Variants in IFIT3 observed in about 807,000 individuals in gnomAD.
The protein encoded by IFIT3 is interferon-induced protein with tetratricopeptide repeats 3.
A neutral mutation model predicts 2.4 loss-of-function variants in IFIT3; 2 were observed. That is an observed-to-expected ratio of 0.82 (90% CI 0.34 to 2.60). The LOEUF is 2.60. IFIT3 is among the 30% of genes most tolerant of loss of function. IFIT3 has a pLI of 0.11. For synonymous variants in IFIT3, 203 were observed against 212.1 expected, an observed-to-expected ratio of 0.96 and a Z score of 0.37; for missense variants, 481 against 562.4, an observed-to-expected ratio of 0.86 and a Z score of 1.46.
intron 1 of IFIT3, among the ~76,000 whole-genome samples, chr10:89,331,411 G>A (rs1372626161): frequency 6.6e-6 from 1 of 152,192 alleles, no homozygotes; most frequent in Non-Finnish European, 1.5e-5. Flanking sequence ...GACCTTAAGT[G>A]ATGCACCCAC....
In IFIT3 at chr10:89,339,563, A is replaced by G. The variant is rs767685217; in HGVS notation, c.908A>G (p.Asn303Ser). 5.0e-6 allele frequency: 8 copies of G among 1,614,202 alleles called. No individual in the cohort carries two copies. In the South Asian group the frequency reaches 7.7e-5, roughly 16 times the overall value. Residue 303 changes from asparagine to serine, a missense_variant, in exon 2 of 2, where the codon AAT (asparagine) becomes AGT (serine). Coordinates refer to ENST00000371818, the MANE Select transcript of IFIT3 (RefSeq NM_001549.6). ...ACAGGAGAATCTGAAGCTAGTGGAA[A>G]TAAAGAGATGATTGAAGCACTAAAG... ...QNTGESEASG[N>S]KEMIEALKQY... is the part of the protein sequence containing the mutation.
intron 1 of IFIT3, among the ~76,000 whole-genome samples, chr10:89,334,958 T>C (rs544249376): frequency 6.6e-6 from 1 of 152,316 alleles, no homozygotes; most frequent in East Asian, 1.9e-4. Flanking sequence ...TGAGGAAACC[T>C]TGGCAATTGG....
chr10:89,332,382 A>G, intron 1 of IFIT3: 2 of 918,626 alleles, frequency 2.2e-6, no homozygotes, highest in Non-Finnish European at 3.0e-6. Flanking sequence ...AGTTTTCCAA[A>G]TCTGTCTGGA....
At chr10:89,331,858 CAAAAA>C (rs10540155) in intron 1 of IFIT3, among the ~76,000 whole-genome samples, 5 of 80,610 alleles carry the variant, frequency 6.2e-5, no homozygotes, top group Admixed American at 1.4e-4. Context: ...GATCCTGTCT[CAAAAA>C]AAAAAAAAAA....
Position 89,337,912 on chromosome 10 carries a change from A to G in IFIT3, c.6-749A>G, listed in dbSNP as rs116816175. 2.3e-3 allele frequency among the ~76,000 whole-genome samples: 350 copies of G among 152,314 alleles called. 2 individuals are homozygous for G. The highest frequency in any genetic ancestry group is 8.1e-3 in the African/African-American group (338 of 41,578). On this transcript the variant is annotated intron_variant, in intron 1 of 1. Coordinates refer to ENST00000371818, the MANE Select transcript of IFIT3 (RefSeq NM_001549.6). ...GTGATGGTACAAAAGTGATAATTCCATTCTTGTTTTTCACTTAAAATACAG... is the reference window on the plus strand; with the variant it reads ...GTGATGGTACAAAAGTGATAATTCCGTTCTTGTTTTTCACTTAAAATACAG...
At chr10:89,333,477 G>A (rs1172279017) in intron 1 of IFIT3, among the ~76,000 whole-genome samples, 1 of 152,108 alleles carries the variant, frequency 6.6e-6, no homozygotes, top group Non-Finnish European at 1.5e-5. Flanking sequence ...TTGTATGTGT[G>A]TAAATGTGAA....
intron 1 of IFIT3, chr10:89,332,429 A>C: frequency 7.3e-7 from 1 of 1,365,950 alleles, no homozygotes; most frequent in Non-Finnish European, 9.7e-7. Context: ...GTTCTCACAG[A>C]TTCTGTTTCA....
At chr10:89,332,590 C>T in intron 1 of IFIT3, 4 of 1,614,074 alleles carry the variant, frequency 2.5e-6, no homozygotes, top group Non-Finnish European at 3.4e-6. Flanking sequence ...AACCGGGACC[C>T]CAGCTTTTCA....
intron 1 of IFIT3, among the ~76,000 whole-genome samples, chr10:89,331,835 G>A (rs1179683592): frequency 1.4e-5 from 2 of 141,452 alleles, no homozygotes; most frequent in Non-Finnish European, 3.0e-5. Context: ...CTCCAGCCTG[G>A]ATGACAGAGT....
intron 1 of IFIT3, among the ~76,000 whole-genome samples, chr10:89,337,349 C>A (rs1843758430): frequency 6.6e-6 from 1 of 152,104 alleles, no homozygotes; most frequent in Non-Finnish European, 1.5e-5. Flanking sequence ...ACAAACCTTA[C>A]CCAGAATGTA....
In IFIT3 at chr10:89,334,478, C is replaced by CTTTTTTTTTTTTTTTTT. The variant is rs578154457; in HGVS notation, c.6-4164_6-4148dup. ...TGTTTTTTCTTCTTTTTCTTTTATT[C>CTTTTTTTTTTTTTTTTT]TTTTTTTTTTTTTTTTTTTTTTTTT... is the stretch of plus-strand genomic sequence containing the variant. On this transcript the variant is annotated intron_variant, in intron 1 of 1. Transcript: ENST00000371818. Among the ~76,000 whole-genome samples, 82 of 25,336 alleles carry CTTTTTTTTTTTTTTTTT rather than the reference C, an allele frequency of 3.2e-3. 11 individuals are homozygous for CTTTTTTTTTTTTTTTTT. The highest frequency in any genetic ancestry group is 4.9e-3 in the Non-Finnish European group (70 of 14,416). The allele number at this position is 25,336 out of a possible 152,430, so 16.6% of individuals were successfully genotyped here.
At chr10:89,333,526 A>G (rs1420469154) in intron 1 of IFIT3, among the ~76,000 whole-genome samples, 2 of 152,104 alleles carry the variant, frequency 1.3e-5, no homozygotes, top group Admixed American at 1.3e-4. Context: ...GAGGGGTGGG[A>G]AGAATGTTGA....
chr10:89,331,177 CTGT>C (rs1348868975), intron 1 of IFIT3, among the ~76,000 whole-genome samples: 1 of 151,946 alleles, frequency 6.6e-6, no homozygotes, highest in African/African-American at 2.4e-5. Context: ...TTTGTTGTTG[CTGT>C]TGTTGTTTTT....
chr10:89,336,902 A>G (rs1843750702), intron 1 of IFIT3, among the ~76,000 whole-genome samples: 1 of 152,240 alleles, frequency 6.6e-6, no homozygotes. Flanking sequence ...CATACAGCCC[A>G]AGCCCCAGGC....
chr10:89,334,478 C>CTTTTTTTTTTTTTTTTTTTTTTTTTTTTT (rs578154457), intron 1 of IFIT3, among the ~76,000 whole-genome samples: 6 of 25,336 alleles, frequency 2.4e-4, no homozygotes, highest in Admixed American at 5.6e-4. Flanking sequence ...TTCTTTTATT[C>CTTTTTTTTTTTTTTTTTTTTTTTTTTTTT]TTTTTTTTTT....
At chr10:89,335,657 G>C (rs1050305160) in intron 1 of IFIT3, 7 of 143,576 alleles carry the variant, frequency 4.9e-5, no homozygotes, top group Non-Finnish European at 1.1e-4. Flanking sequence ...TCATCCTGCA[G>C]GTCCACTGGA....
At position 89,340,449 on chromosome 10, in the gene IFIT3, T is replaced by C. The variant is rs995902034; in HGVS notation, c.*321T>C. 2.9e-5 allele frequency: 5 copies of C among 172,702 alleles called. No individual in the cohort carries two copies. The highest frequency in any genetic ancestry group is 1.2e-4 in the African/African-American group (5 of 41,220). 10.7% of individuals were successfully genotyped at this position (172,702 alleles called of 1,614,324 possible). On this transcript the variant is annotated 3_prime_UTR_variant, in exon 2 of 2. Transcript: ENST00000371818. ...GGCTGGCACCTGTAGTCCCAGCTAC[T>C]TGGGAGGCTGAGGCAGGAGAATGGC... is the stretch of plus-strand genomic sequence containing the variant.
In IFIT3 at chr10:89,340,170, G is replaced by T; in HGVS notation, c.*42G>T. 6.5e-7 allele frequency: 1 copy of T among 1,529,166 alleles called. No individual in the cohort carries two copies. 94.7% of individuals were successfully genotyped at this position (1,529,166 alleles called of 1,614,324 possible). A position where few individuals can be genotyped will look rare whatever the true frequency, so the allele number is the denominator to read the frequency against. Reference sequence around the variant, plus strand: ...AGAGCATCAGAAGCCTGCAGTGGTGGTTGTGACGGGTAGGACGATAGGAAG... The same window carrying T: ...AGAGCATCAGAAGCCTGCAGTGGTGTTTGTGACGGGTAGGACGATAGGAAG... On this transcript the variant is annotated 3_prime_UTR_variant, in exon 2 of 2. Coordinates refer to ENST00000371818, the MANE Select transcript of IFIT3 (RefSeq NM_001549.6).
intron 1 of IFIT3, among the ~76,000 whole-genome samples, chr10:89,329,201 C>A (rs1340428817): frequency 6.6e-6 from 1 of 152,126 alleles, no homozygotes; most frequent in Non-Finnish European, 1.5e-5. Context: ...GGATTCCCTA[C>A]CTTACTCTGC....
Sources: gnomAD v4.1 joint callset for allele counts (sites outside exome capture counted in the v4.1 genomes callset) on GRCh38, gnomAD v4.1.1 for gene constraint, MANE v1.5 for transcripts, NCBI Gene and HGNC (gene_info 2026-07-23, HGNC 2026-07-21) for gene names.